The following CALB2 variants were observed in gnomAD, a reference collection of about 807,000 sequenced individuals.
CALB2 encodes the protein calretinin.
Under a neutral mutation model 45.9 loss-of-function variants are expected in CALB2, and 34 were observed. The ratio of observed to expected loss-of-function variants is 0.74; its 90% CI spans 0.56 to 0.99. CALB2 has a LOEUF of 0.99. CALB2 is among the 50% of genes least tolerant of loss of function. The pLI is 0.00. For synonymous variants in CALB2, 142 were observed against 129.6 expected (o/e 1.10, Z -0.65); for missense variants, 344 against 339.3 (o/e 1.01, Z -0.11).
chr16:71,384,464 AACACACTACACACACCC>A, intron 8 of CALB2, 86 bp downstream of exon 8: 1 of 1,073,614 alleles, frequency 9.3e-7, no homozygotes, highest in Non-Finnish European at 1.4e-6. Flanking sequence ...CACCACACAC[AACACACTACACACACCC>A]ACACACACCA....
At position 71,389,877 on chromosome 16, in the gene CALB2, G is replaced by C; in HGVS notation, c.*12G>C. ...AGCCCCCCATGTAAAGTGGGGACGG[G>C]GGCTGCTTCTCCACCTCCCCCAAAC... On this transcript the variant is annotated 3_prime_UTR_variant, in exon 11 of 11. Coordinates refer to ENST00000302628, the MANE Select transcript of CALB2 (RefSeq NM_001740.5). 1 of 1,585,374 alleles carries C rather than the reference G, an allele frequency of 6.3e-7. No homozygotes were observed. The highest frequency in any genetic ancestry group is 1.1e-5 in the South Asian group (1 of 90,482).
In CALB2 at chr16:71,372,244, G is replaced by A. The variant is rs148260825; in HGVS notation, c.171+15G>A. ...GCTCTGGCATGGTAAGCCCAGCCCT[G>A]TCTCCGATTGTGTGGGATTTTCCTG... On this transcript the variant is annotated intron_variant, in intron 2 of 10. Transcript: ENST00000302628. The A allele has an allele frequency of 0.017, 26,612 of 1,597,136 alleles. 263 individuals carry two copies. The highest frequency in any genetic ancestry group is 0.02 in the Non-Finnish European group (23,304 of 1,167,682).
chr16:71,366,934 G>C (rs932668688), intron 1 of CALB2, among the ~76,000 whole-genome samples: 1 of 152,076 alleles, frequency 6.6e-6, no homozygotes, highest in Non-Finnish European at 1.5e-5. Flanking sequence ...CATAGAGCAG[G>C]CGGTAGAATT....
intron 1 of CALB2, among the ~76,000 whole-genome samples, chr16:71,371,883 G>A (rs1301060822): frequency 1.3e-5 from 2 of 152,164 alleles, no homozygotes; most frequent in Non-Finnish European, 2.9e-5. Context: ...GACAGATTCG[G>A]AAGCTGCCAA....
chr16:71,372,500 T>C (rs534053499), intron 2 of CALB2, among the ~76,000 whole-genome samples: 1 of 152,290 alleles, frequency 6.6e-6, no homozygotes, highest in Non-Finnish European at 1.5e-5. Context: ...TATGCGTATA[T>C]TAATATATAT....
At chr16:71,359,015 C>T in intron 1 of CALB2, 129 bp downstream of exon 1, 2 of 754,046 alleles carry the variant, frequency 2.7e-6, no homozygotes, top group Non-Finnish European at 4.5e-6. Context: ...GCAGAGCCTG[C>T]TGGGGTAGTG....
chr16:71,384,422 G>T (rs769569762), intron 8 of CALB2, 44 bp downstream of exon 8: 1 of 1,540,198 alleles, frequency 6.5e-7, no homozygotes, highest in South Asian at 1.1e-5. Context: ...TCATCCCTCT[G>T]AGCCTGGCCC....
intron 3 of CALB2, among the ~76,000 whole-genome samples, chr16:71,376,789 CCA>C (rs1372743792): frequency 3.9e-5 from 6 of 152,082 alleles, no homozygotes; most frequent in Non-Finnish European, 8.8e-5. Context: ...CCACATGCAC[CCA>C]CATACACCCA....
chr16:71,384,938 C>G (rs2042553156), intron 9 of CALB2, 102 bp downstream of exon 9: 3 of 996,226 alleles, frequency 3.0e-6, no homozygotes, highest in East Asian at 2.4e-5. Flanking sequence ...CCAGGGGTGG[C>G]CTGGGCCGTG....
At chr16:71,372,066 C>T in intron 1 of CALB2, 87 bp from the exon 2 acceptor site, 1 of 927,430 alleles carries the variant, frequency 1.1e-6, no homozygotes, top group Non-Finnish European at 1.7e-6. Flanking sequence ...TGGGAGAAGA[C>T]ATTCTCCACG....
At chr16:71,378,823 A>C (rs1310958265) in intron 4 of CALB2, among the ~76,000 whole-genome samples, 1 of 152,110 alleles carries the variant, frequency 6.6e-6, no homozygotes, top group African/African-American at 2.4e-5. Context: ...ACTCAATAAT[A>C]ATGTTGTGTC....
chr16:71,370,000 AT>A (rs1475448350), intron 1 of CALB2, among the ~76,000 whole-genome samples: 4 of 152,190 alleles, frequency 2.6e-5, no homozygotes, highest in African/African-American at 9.7e-5. Flanking sequence ...CTCTTCTGAA[AT>A]TCCAGTTCTC....
chr16:71,384,633 A>T, intron 8 of CALB2, 150 bp from the exon 9 acceptor site: 1 of 9,142 alleles, frequency 1.1e-4, no homozygotes, highest in Non-Finnish European at 2.6e-4. Flanking sequence ...ACACAGAGAC[A>T]TCACACACAC....
chr16:71,374,680 T>C lies in CALB2; in HGVS notation c.172-65T>C, dbSNP rs867998895. 5.1e-5 allele frequency: 58 copies of C among 1,126,504 alleles called. 1 individual carries two copies. In the Middle Eastern group the frequency reaches 6.9e-3, roughly 134 times the overall value. The allele number at this position is 1,126,504 out of a possible 1,614,324, so 69.8% of individuals were successfully genotyped here. On this transcript the variant is annotated intron_variant, in intron 2 of 10. Transcript: ENST00000302628. ...GGATGCAAATGATTTCCAAGCTTCC[T>C]GCTCTGAGATCATGGTTCACATGAG...
At chr16:71,385,672 G>C (rs370870371) in intron 10 of CALB2, 24 bp downstream of exon 10, 2 of 1,606,764 alleles carry the variant, frequency 1.2e-6, no homozygotes, top group Admixed American at 3.3e-5. Flanking sequence ...CCTGAGGCCC[G>C]GCCACTGTCC....
chr16:71,377,810 C>T, intron 4 of CALB2, 63 bp downstream of exon 4: 1 of 1,155,282 alleles, frequency 8.7e-7, no homozygotes. Flanking sequence ...GTGTTCAGAG[C>T]CAGGCCCACC....
Position 71,389,919 on chromosome 16 carries a change from TGATGCGTCTACCCA to T in CALB2, c.*57_*70del. On this transcript the variant is annotated 3_prime_UTR_variant, in exon 11 of 11. Coordinates refer to ENST00000302628, the MANE Select transcript of CALB2 (RefSeq NM_001740.5). The stretch of plus-strand genomic sequence containing the variant: ...CCCCCAAACCCTGCTTCTGCTGCCC[TGATGCGTCTACCCA>T]GACTCAGAGACCGTGAGCGCCCCGC... 4 of 1,265,078 alleles carry T rather than the reference TGATGCGTCTACCCA, an allele frequency of 3.2e-6. No individual in the cohort carries two copies. The South Asian group carries it at 4.8e-5, about 15-fold the overall frequency. The allele number at this position is 1,265,078 out of a possible 1,614,324, so 78.4% of individuals were successfully genotyped here.
intron 1 of CALB2, among the ~76,000 whole-genome samples, chr16:71,364,803 T>A (rs2042266585): frequency 6.6e-6 from 1 of 152,200 alleles, no homozygotes; most frequent in African/African-American, 2.4e-5. Flanking sequence ...TTATTCTTTT[T>A]TCCAGAAGCC....
At position 71,372,167 on chromosome 16, in the gene CALB2, G is replaced by A. The variant is rs2042358907; in HGVS notation, c.109G>A (p.Glu37Lys). 2 of 1,609,856 alleles carry A rather than the reference G, an allele frequency of 1.2e-6. No homozygotes were observed. The highest frequency in any genetic ancestry group is 1.7e-6 in the Non-Finnish European group (2 of 1,177,042). ...TCTTTTTACAGGAAATGGGTATATTGAAGGTAAAGAGCTAGAAAACTTTTT... is the reference window on the plus strand; with the variant it reads ...TCTTTTTACAGGAAATGGGTATATTAAAGGTAAAGAGCTAGAAAACTTTTT... Reference protein sequence around the residue: ...HFDADGNGYIEGKELENFFQE... With the variant: ...HFDADGNGYIKGKELENFFQE... The change falls in exon 2 of 11, where the codon GAA becomes AAA. Residue 37 changes from glutamate to lysine, a missense_variant. Glu to Lys is a moderately conservative substitution (Grantham distance 56). This residue lies in a region of CALB2 where 77 missense variants were observed against 80.5 expected (regional missense o/e 0.96). Transcript: ENST00000302628.
Sources: gnomAD v4.1 joint callset for allele counts (sites outside exome capture counted in the v4.1 genomes callset) on GRCh38, gnomAD v4.1.1 for gene constraint, gnomAD v4.1.1 regional missense constraint, MANE v1.5 for transcripts, NCBI Gene and HGNC (gene_info 2026-07-23, HGNC 2026-07-21) for gene names.